Variants in CPEB4 observed in about 807,000 individuals in gnomAD.
The protein encoded by CPEB4 is cytoplasmic polyadenylation element binding protein 4.
Under a neutral mutation model 72.5 loss-of-function variants are expected in CPEB4, and 12 were observed. The observed-to-expected ratio is 0.17, with a 90% CI of 0.11 to 0.27. The LOEUF is 0.27. Ranked by LOEUF, CPEB4 falls within the 10% of genes least tolerant of loss-of-function variation. CPEB4 has a pLI of 1.00. For synonymous variants in CPEB4, 302 were observed against 326.3 expected (o/e 0.93, Z 0.80); for missense variants, 614 against 908.5 (o/e 0.68, Z 4.17).
At chr5:173,937,435 T>C (rs1393459777) in intron 3 of CPEB4, among the ~76,000 whole-genome samples, 2 of 152,190 alleles carry the variant, frequency 1.3e-5, no homozygotes, top group Non-Finnish European at 2.9e-5. Context: ...AGGTGTAATT[T>C]ACTCAAGAGA....
At chr5:173,929,720 A>G (rs184889637) in intron 2 of CPEB4, among the ~76,000 whole-genome samples, 29 of 152,166 alleles carry the variant, frequency 1.9e-4, no homozygotes, top group African/African-American at 6.7e-4. Flanking sequence ...AATAATAATA[A>G]TAGTCCTTCC....
chr5:173,956,608 T>C lies in CPEB4; in HGVS notation c.*471T>C, dbSNP rs1348508799. The C allele has an allele frequency of 6.6e-6, 1 of 151,164 alleles. No individual in the cohort carries two copies. The highest frequency in any genetic ancestry group is 2.4e-5 in the African/African-American group (1 of 41,334). The allele number at this position is 151,164 out of a possible 1,614,324, so 9.4% of individuals were successfully genotyped here. The stretch of plus-strand genomic sequence containing the variant: ...GTGCTTTTGCCTTTTCCTTTCTTTT[T>C]TTTTTTTTTTTCATCTTTTTTGTCT... On this transcript the variant is annotated 3_prime_UTR_variant, in exon 10 of 10. Coordinates refer to ENST00000265085, the MANE Select transcript of CPEB4 (RefSeq NM_030627.4).
chr5:173,948,272 G>A (rs1758101997), intron 5 of CPEB4, among the ~76,000 whole-genome samples: 1 of 152,198 alleles, frequency 6.6e-6, no homozygotes. Flanking sequence ...CAAGGCTCAT[G>A]AAGGAACAGG....
intron 3 of CPEB4, among the ~76,000 whole-genome samples, chr5:173,933,494 G>C (rs1561623863): frequency 6.6e-6 from 1 of 152,130 alleles, no homozygotes; most frequent in Non-Finnish European, 1.5e-5. Flanking sequence ...AGACTAAATA[G>C]TTTATAAAAT....
In CPEB4 at chr5:173,955,226, G is replaced by A. The variant is rs552290580; in HGVS notation, c.1963-684G>A. 3.3e-5 allele frequency among the ~76,000 whole-genome samples: 5 copies of A among 152,320 alleles called. No individual in the cohort carries two copies. The South Asian group carries it at 8.3e-4, about 25-fold the overall frequency. Reference sequence around the variant, plus strand: ...CACATGACAGGTTGGCCGATAGAACGCTGGAACAGGCCCAGTTTTAGAAAT... The same window carrying A: ...CACATGACAGGTTGGCCGATAGAACACTGGAACAGGCCCAGTTTTAGAAAT... On this transcript the variant is annotated intron_variant, in intron 9 of 9. Coordinates refer to ENST00000265085, the MANE Select transcript of CPEB4 (RefSeq NM_030627.4). The surrounding 1 kb of genome is among the most constrained non-coding windows in gnomAD (Gnocchi z 4.7).
At chr5:173,911,587 A>G (rs906297932) in intron 2 of CPEB4, among the ~76,000 whole-genome samples, 3 of 151,822 alleles carry the variant, frequency 2.0e-5, no homozygotes, top group African/African-American at 7.3e-5. Context: ...GCAAGACTAG[A>G]TATTTCCTAA....
intron 1 of CPEB4, among the ~76,000 whole-genome samples, chr5:173,903,206 G>A (rs1756304146): frequency 6.6e-6 from 1 of 152,152 alleles, no homozygotes; most frequent in South Asian, 2.1e-4. Context: ...TTTTCTTAAG[G>A]AATTTTGTTT....
At chr5:173,947,293 A>G (rs1045275253) in intron 5 of CPEB4, among the ~76,000 whole-genome samples, 3 of 152,054 alleles carry the variant, frequency 2.0e-5, no homozygotes, top group Non-Finnish European at 2.9e-5. Context: ...ATTTTTTCCC[A>G]TTCATCCCTT....
At chr5:173,954,683 G>GT (rs1216991623) in intron 9 of CPEB4, among the ~76,000 whole-genome samples, 1 of 152,050 alleles carries the variant, frequency 6.6e-6, no homozygotes, top group East Asian at 1.9e-4. Context: ...GGCCTACTTG[G>GT]TTTTTTATGC....
chr5:173,946,983 A>AT (rs1758041144), intron 5 of CPEB4, among the ~76,000 whole-genome samples: 5 of 151,986 alleles, frequency 3.3e-5, no homozygotes, highest in African/African-American at 9.7e-5. Context: ...GGGCTCACAT[A>AT]GTGAGCCCTT....
chr5:173,898,373 A>G (rs1331825760), intron 1 of CPEB4, among the ~76,000 whole-genome samples: 5 of 152,202 alleles, frequency 3.3e-5, no homozygotes. Context: ...CTCTGAAAAA[A>G]TGTTATTAGA....
intron 5 of CPEB4, 43 bp downstream of exon 5, chr5:173,945,183 A>T: frequency 6.5e-7 from 1 of 1,531,992 alleles, no homozygotes; most frequent in Non-Finnish European, 9.0e-7. Flanking sequence ...AGATGGTGGC[A>T]CATAGTAGGA....
At chr5:173,940,227 C>G (rs1412149290) in intron 3 of CPEB4, among the ~76,000 whole-genome samples, 1 of 152,162 alleles carries the variant, frequency 6.6e-6, no homozygotes, top group Non-Finnish European at 1.5e-5. Flanking sequence ...TGCATCTAAA[C>G]AATCTTTGAA....
intron 3 of CPEB4, among the ~76,000 whole-genome samples, chr5:173,936,857 C>G (rs1006430420): frequency 6.6e-6 from 1 of 150,550 alleles, no homozygotes; most frequent in African/African-American, 2.4e-5. Context: ...CCTGCTTTAG[C>G]CCTCAGGATT....
rs141036461 is a variant in CPEB4 at position 173,911,867 on chromosome 5, G to A, written c.1207+1263G>A. On this transcript the variant is annotated intron_variant, in intron 2 of 9. Transcript: ENST00000265085. Reference sequence around the variant, plus strand: ...GAGGTCAAAGGTGACAAGGCAGCCTGTTGTTTCAACTGGTGACCTGCTTAG... The same window carrying A: ...GAGGTCAAAGGTGACAAGGCAGCCTATTGTTTCAACTGGTGACCTGCTTAG... Among the ~76,000 whole-genome samples the A allele has an allele frequency of 1.2e-3, 175 of 152,148 alleles. 1 individual carries two copies. Among genetic ancestry groups the A allele is most frequent in the African/African-American group, 4.1e-3 (170 of 41,506 alleles).
In CPEB4 at chr5:173,890,230, C is replaced by T. The variant is rs758413448; in HGVS notation, c.497C>T (p.Thr166Ile). 3 of 1,614,128 alleles carry T rather than the reference C, an allele frequency of 1.9e-6. No individual in the cohort carries two copies. Among genetic ancestry groups the T allele is most frequent in the South Asian group, 1.1e-5 (1 of 91,074 alleles). ...QPLTSSASSL[T>I]GFSNWSAAIA... ...TTGACATCTAGCGCATCGTCTCTTA[C>T]TGGTTTCAGTAACTGGTCAGCAGCG... The change falls in exon 1 of 10, where the codon ACT (threonine) becomes ATT (isoleucine). Residue 166 changes from threonine to isoleucine, a missense_variant. This residue lies in a region of CPEB4 where 458 missense variants were observed against 548.6 expected (regional missense o/e 0.83). Coordinates refer to ENST00000265085, the MANE Select transcript of CPEB4 (RefSeq NM_030627.4).
In CPEB4 at chr5:173,901,202, T is replaced by C. The variant is rs146122898; in HGVS notation, c.1126-9321T>C. Among the ~76,000 whole-genome samples the C allele has an allele frequency of 1.6e-3, 238 of 152,302 alleles. 1 individual carries two copies. Among genetic ancestry groups the C allele is most frequent in the African/African-American group, 5.4e-3 (224 of 41,574 alleles). On this transcript the variant is annotated intron_variant, in intron 1 of 9. Coordinates refer to ENST00000265085, the MANE Select transcript of CPEB4 (RefSeq NM_030627.4). ...TGTGATTTATTTAGTAAAGGTGCAA[T>C]AAAAAATGTTCTCAGAGGCTTTCTG... is the stretch of plus-strand genomic sequence containing the variant.
chr5:173,908,389 G>T (rs1756521286), intron 1 of CPEB4, among the ~76,000 whole-genome samples: 1 of 152,132 alleles, frequency 6.6e-6, no homozygotes, highest in African/African-American at 2.4e-5. Flanking sequence ...GAATGGTAAG[G>T]CACGTGTTCA....
chr5:173,960,866 C>A lies in CPEB4; in HGVS notation c.*4729C>A, dbSNP rs1758529392. 1 of 152,150 alleles carries A rather than the reference C, an allele frequency of 6.6e-6. No individual in the cohort carries two copies. The highest frequency in any genetic ancestry group is 1.5e-5 in the Non-Finnish European group (1 of 68,036). 9.4% of individuals were successfully genotyped at this position (152,150 alleles called of 1,614,324 possible). A position where few individuals can be genotyped will look rare whatever the true frequency, so the allele number is the denominator to read the frequency against. ...ATGGCATGTCAATTGAAAATATTAT[C>A]TTTGATTTGATCCATTAATCATGTG... On this transcript the variant is annotated 3_prime_UTR_variant, in exon 10 of 10. Transcript: ENST00000265085.
Sources: gnomAD v4.1 joint callset for allele counts (sites outside exome capture counted in the v4.1 genomes callset) on GRCh38, gnomAD v4.1.1 for gene constraint, gnomAD v4.1.1 regional missense constraint, Gnocchi (gnomAD v3.1) non-coding constraint, MANE v1.5 for transcripts, NCBI Gene and HGNC (gene_info 2026-07-23, HGNC 2026-07-21) for gene names.